The following LCP2 variants were observed in gnomAD, a reference collection of about 807,000 sequenced individuals.
LCP2 encodes the protein lymphocyte cytosolic protein 2.
LCP2 carries 29 observed loss-of-function variants against 74.5 expected under a neutral mutation model. That is an observed-to-expected ratio of 0.39 (90% confidence interval 0.29 to 0.53). The LOEUF (loss-of-function observed/expected upper bound fraction) is 0.53, where lower values mean the gene tolerates loss of function less well. Among genes scored for constraint, LCP2 ranks in the 20% least tolerant of loss-of-function variants. LCP2 has a pLI of 0.72. For missense variants in LCP2, 604 were observed against 634.6 expected, an observed-to-expected ratio of 0.95 and a Z score of 0.52; for synonymous variants, 228 against 229.5, an observed-to-expected ratio of 0.99 and a Z score of 0.06.
At chr5:170,252,327 C>T in intron 19 of LCP2, 107 bp downstream of exon 19, 4 of 606,278 alleles carry the variant, frequency 6.6e-6, no homozygotes, top group South Asian at 6.5e-5. Flanking sequence ...CAGAAAGCAA[C>T]AGCACCTAGC....
intron 10 of LCP2, among the ~76,000 whole-genome samples, chr5:170,266,404 G>A (rs986497296): frequency 6.6e-6 from 1 of 152,220 alleles, no homozygotes; most frequent in Admixed American, 6.5e-5. Flanking sequence ...TTAAGTAGCA[G>A]GCAAGGCAGC....
At chr5:170,280,623 A>T (rs1192669035) in intron 3 of LCP2, among the ~76,000 whole-genome samples, 1 of 152,044 alleles carries the variant, frequency 6.6e-6, no homozygotes, top group African/African-American at 2.4e-5. Context: ...CATGTCCCCT[A>T]CCCCTGTAGT....
At chr5:170,283,313 A>G (rs1304501839) in intron 3 of LCP2, among the ~76,000 whole-genome samples, 1 of 152,118 alleles carries the variant, frequency 6.6e-6, no homozygotes, top group African/African-American at 2.4e-5. Context: ...CTAACCAGAA[A>G]CCATTTCCCA....
chr5:170,248,500 T>C lies in LCP2; in HGVS notation c.*197A>G. The C allele has an allele frequency of 1.8e-6, 1 of 543,856 alleles. No homozygotes were observed. Among genetic ancestry groups the C allele is most frequent in the South Asian group, 2.0e-5 (1 of 49,510 alleles). The allele number at this position is 543,856 out of a possible 1,614,324, so 33.7% of individuals were successfully genotyped here. On this transcript the variant is annotated 3_prime_UTR_variant, in exon 21 of 21. Coordinates refer to ENST00000046794, the MANE Select transcript of LCP2 (RefSeq NM_005565.5). ...ACATGACTCATGCACTTTACAAACA[T>C]TGAAGAAGAATAAATAAATTATGGG...
chr5:170,265,526 T>G (rs949835642), intron 10 of LCP2, among the ~76,000 whole-genome samples: 1 of 152,244 alleles, frequency 6.6e-6, no homozygotes, highest in Non-Finnish European at 1.5e-5. Flanking sequence ...ATGTCAGTGT[T>G]CCACTTTTCT....
At position 170,289,789 on chromosome 5, in the gene LCP2, C is replaced by A. The variant is rs1423106164; in HGVS notation, c.142-1773G>T. On this transcript the variant is annotated intron_variant, in intron 2 of 20. Transcript: ENST00000046794. ...TTTTTTCATCACTGAGCAGCATCTC[C>A]CTGCTTCTGAACTACTCCCACTCAG... Among the ~76,000 whole-genome samples the A allele has an allele frequency of 1.0e-4, 15 of 149,228 alleles. 1 individual carries two copies. The highest frequency in any genetic ancestry group is 2.2e-4 in the Non-Finnish European group (15 of 67,572).
intron 4 of LCP2, 108 bp from the exon 5 acceptor site, chr5:170,275,459 C>T (rs1761990888): frequency 2.1e-5 from 27 of 1,266,468 alleles, no homozygotes; most frequent in Non-Finnish European, 2.8e-5. Flanking sequence ...GGGCATGTCT[C>T]ACTGCTCAAG....
chr5:170,255,171 G>A (rs1761527475), intron 17 of LCP2, among the ~76,000 whole-genome samples: 1 of 152,180 alleles, frequency 6.6e-6, no homozygotes, highest in Non-Finnish European at 1.5e-5. Context: ...AAAATTAGGG[G>A]TTGGGCGAGA....
chr5:170,252,879 C>A (rs1376592825), intron 18 of LCP2, among the ~76,000 whole-genome samples: 1 of 152,166 alleles, frequency 6.6e-6, no homozygotes, highest in Admixed American at 6.5e-5. Context: ...ACATAAAAAA[C>A]AGGATTATTT....
chr5:170,258,859 A>G lies in LCP2; in HGVS notation c.970+7T>C. The G allele has an allele frequency of 6.3e-7, 1 of 1,584,814 alleles. No individual in the cohort carries two copies. On this transcript the variant is annotated splice_region_variant and intron_variant, in intron 15 of 20. Transcript: ENST00000046794. ...TATAGGCTGTAAGAATGTGTTTCCG[A>G]ACATACCATCATCTTCATCCTGGGA...
At chr5:170,264,168 G>A (rs763346134) in intron 10 of LCP2, among the ~76,000 whole-genome samples, 5 of 152,190 alleles carry the variant, frequency 3.3e-5, no homozygotes, top group African/African-American at 4.8e-5. Context: ...CTCAAGGAGC[G>A]ATATTGTAAC....
chr5:170,263,038 A>G lies in LCP2; in HGVS notation c.773-46T>C, dbSNP rs893072952. 3 of 1,603,840 alleles carry G rather than the reference A, an allele frequency of 1.9e-6. No individual in the cohort carries two copies. The African/African-American group carries it at 4.0e-5, about 21-fold the overall frequency. On this transcript the variant is annotated intron_variant, in intron 10 of 20. Transcript: ENST00000046794. ...ATGGGCCATGAGTTCAGAACTTCAT[A>G]AGCATGAGGTTTAAAAACACAGTTT... is the stretch of plus-strand genomic sequence containing the variant.
In LCP2 at chr5:170,270,564, T is replaced by TTG. The variant is rs1329616645; in HGVS notation, c.523+153_523+154dup. The TTG allele has an allele frequency of 8.1e-5, 49 of 602,104 alleles. No homozygotes were observed. The African/African-American group carries it at 8.1e-4, about 10-fold the overall frequency. 37.3% of individuals were successfully genotyped at this position (602,104 alleles called of 1,614,324 possible). The stretch of plus-strand genomic sequence containing the variant: ...TTGAGGCCCAGAGAGACAGAGTTAC[T>TTG]TGTACAAAGCCACATAGCTGTTAAG... On this transcript the variant is annotated intron_variant, in intron 7 of 20. Transcript: ENST00000046794.
chr5:170,281,407 G>A (rs1762099039), intron 3 of LCP2, among the ~76,000 whole-genome samples: 1 of 152,232 alleles, frequency 6.6e-6, no homozygotes, highest in Non-Finnish European at 1.5e-5. Context: ...AGCCTCCCGA[G>A]TAGCTGGGAC....
At chr5:170,281,911 T>C (rs1762112498) in intron 3 of LCP2, among the ~76,000 whole-genome samples, 1 of 152,176 alleles carries the variant, frequency 6.6e-6, no homozygotes. Flanking sequence ...AATATAAAAC[T>C]TATAACATCC....
chr5:170,251,317 C>T (rs1185307076), intron 19 of LCP2: 1 of 194,956 alleles, frequency 5.1e-6, no homozygotes, highest in African/African-American at 2.4e-5. Flanking sequence ...AAAACATCCA[C>T]ATGCCATGAA....
chr5:170,287,449 C>T (rs1263157324), intron 3 of LCP2, among the ~76,000 whole-genome samples: 1 of 152,232 alleles, frequency 6.6e-6, no homozygotes, highest in African/African-American at 2.4e-5. Flanking sequence ...CCCCTTTCAG[C>T]ACCTATGGCA....
At chr5:170,255,351 T>C (rs1761531428) in intron 17 of LCP2, among the ~76,000 whole-genome samples, 1 of 152,200 alleles carries the variant, frequency 6.6e-6, no homozygotes, top group Non-Finnish European at 1.5e-5. Flanking sequence ...ATGTTGATTC[T>C]CAGGCTATCA....
chr5:170,287,471 T>C (rs139874731), intron 3 of LCP2, among the ~76,000 whole-genome samples: 230 of 152,344 alleles, frequency 1.5e-3, no homozygotes, highest in African/African-American at 5.2e-3. Context: ...ACATGAATGA[T>C]CAATCACAGC....
Sources: gnomAD v4.1 joint callset for allele counts (sites outside exome capture counted in the v4.1 genomes callset) on GRCh38, gnomAD v4.1.1 for gene constraint, MANE v1.5 for transcripts, NCBI Gene and HGNC (gene_info 2026-07-23, HGNC 2026-07-21) for gene names.